Variants in FHOD3 observed in about 807,000 individuals in gnomAD.
FHOD3 encodes FH1/FH2 domain-containing protein 3.
FHOD3 carries 90 observed loss-of-function variants against 173.0 expected under a neutral mutation model. The observed-to-expected ratio is 0.52, with a 90% CI of 0.44 to 0.62. The LOEUF (loss-of-function observed/expected upper bound fraction) is 0.62, where lower values mean the gene tolerates loss of function less well. Ranked by LOEUF, FHOD3 falls within the 20% of genes least tolerant of loss-of-function variation. The pLI, the probability that FHOD3 is intolerant of heterozygous loss-of-function variation, is 0.00. For missense variants in FHOD3, 1,945 were observed against 2,034.7 expected (o/e 0.96, Z 0.85); for synonymous variants, 828 against 823.0 (o/e 1.01, Z -0.10).
intron 1 of FHOD3, among the ~76,000 whole-genome samples, chr18:36,318,456 G>C (rs1163181531): frequency 6.6e-6 from 1 of 152,110 alleles, no homozygotes; most frequent in Non-Finnish European, 1.5e-5. Context: ...CTTGTAAGTT[G>C]GATTCCTAGG....
chr18:36,673,117 A>T (rs1478196613), intron 14 of FHOD3, among the ~76,000 whole-genome samples: 1 of 152,140 alleles, frequency 6.6e-6, no homozygotes, highest in Non-Finnish European at 1.5e-5. Flanking sequence ...GCTTTTGATC[A>T]TCTGTCTGTG....
intron 10 of FHOD3, among the ~76,000 whole-genome samples, chr18:36,642,626 T>G (rs1275681222): frequency 6.6e-6 from 1 of 151,650 alleles, no homozygotes. Flanking sequence ...AAATCCTAAT[T>G]GTACAGAGTT....
intron 1 of FHOD3, among the ~76,000 whole-genome samples, chr18:36,338,070 T>C (rs533936479): frequency 1.6e-4 from 25 of 152,320 alleles, no homozygotes; most frequent in African/African-American, 5.8e-4. Flanking sequence ...GTAGAGTCAA[T>C]TACACTGCTG....
At position 36,779,511 on chromosome 18, in the gene FHOD3, C is replaced by A; in HGVS notation, c.4850C>A (p.Thr1617Asn). 6.2e-7 allele frequency: 1 copy of A among 1,614,146 alleles called. No individual in the cohort carries two copies. The highest frequency in any genetic ancestry group is 1.7e-4 in the Middle Eastern group (1 of 6,060). Residue 1617 changes from threonine to asparagine, a missense_variant, in exon 29 of 29, where the codon ACC becomes AAC. Physicochemically the swap from Thr to Asn is moderately conservative, Grantham distance 65. Transcript: ENST00000590592. Reference sequence around the variant, plus strand: ...GCCAGAGCCCTGGGCTTGGTTGGCACCTCGGAGTTGCAGCTGTGACACTCA... The same window carrying A: ...GCCAGAGCCCTGGGCTTGGTTGGCAACTCGGAGTTGCAGCTGTGACACTCA... ...EEARALGLVG[T>N]SELQL
At chr18:36,473,169 C>A (rs771782109) in intron 3 of FHOD3, among the ~76,000 whole-genome samples, 1 of 152,232 alleles carries the variant, frequency 6.6e-6, no homozygotes, top group Non-Finnish European at 1.5e-5. Flanking sequence ...AATCCCAGCA[C>A]TTTGGGAGGC....
chr18:36,375,808 G>A (rs1395307386), intron 3 of FHOD3, among the ~76,000 whole-genome samples: 2 of 152,230 alleles, frequency 1.3e-5, no homozygotes, highest in East Asian at 3.8e-4. Flanking sequence ...GTTGGAATGA[G>A]ATTTTGGTAT....
chr18:36,432,576 C>T (rs1462711464), intron 3 of FHOD3, among the ~76,000 whole-genome samples: 11 of 152,158 alleles, frequency 7.2e-5, no homozygotes, highest in Admixed American at 1.3e-4. Flanking sequence ...GGAACCCTTG[C>T]ATGTATGCTG....
intron 4 of FHOD3, among the ~76,000 whole-genome samples, chr18:36,511,472 C>T (rs529075098): frequency 6.6e-6 from 1 of 151,968 alleles, no homozygotes; most frequent in African/African-American, 2.4e-5. Context: ...TGAGGATTTC[C>T]TGGGGAATTT....
intron 10 of FHOD3, among the ~76,000 whole-genome samples, chr18:36,637,455 C>T (rs2098362496): frequency 6.6e-6 from 1 of 152,030 alleles, no homozygotes; most frequent in Non-Finnish European, 1.5e-5. Flanking sequence ...GGGATTTTAC[C>T]AAGTTGGCCA....
chr18:36,713,706 T>C (rs780803487), intron 18 of FHOD3, among the ~76,000 whole-genome samples: 2 of 152,192 alleles, frequency 1.3e-5, no homozygotes, highest in African/African-American at 2.4e-5. Context: ...CCCAATTACA[T>C]TGATTTTATC....
rs537149960 is a variant in FHOD3, at chr18:36,702,818, G to A, written c.2237-6277G>A. Reference sequence around the variant, plus strand: ...ATTCCTGCCCACTGTGTGTGTGTGCGCGTGTGTGTGTGCACGTGTGCGTAC... The same window carrying A: ...ATTCCTGCCCACTGTGTGTGTGTGCACGTGTGTGTGTGCACGTGTGCGTAC... On this transcript the variant is annotated intron_variant, in intron 17 of 28. Transcript: ENST00000590592. Among the ~76,000 whole-genome samples the A allele has an allele frequency of 1.1e-4, 16 of 152,158 alleles. No homozygotes were observed. In the South Asian group the frequency reaches 1.7e-3, roughly 16 times the overall value.
At chr18:36,520,800 CAG>C (rs1358037508) in intron 5 of FHOD3, among the ~76,000 whole-genome samples, 7 of 152,342 alleles carry the variant, frequency 4.6e-5, no homozygotes, top group Non-Finnish European at 5.9e-5. Flanking sequence ...CATTCCTACA[CAG>C]AGAGTGTGGA....
intron 10 of FHOD3, among the ~76,000 whole-genome samples, chr18:36,633,980 TAACC>T (rs747430518): frequency 4.6e-5 from 7 of 152,190 alleles, no homozygotes; most frequent in Non-Finnish European, 8.8e-5. Flanking sequence ...TAGTCATAAG[TAACC>T]ACTACCTTGG....
chr18:36,563,775 C>T (rs902003791), intron 5 of FHOD3, among the ~76,000 whole-genome samples: 1 of 152,178 alleles, frequency 6.6e-6, no homozygotes, highest in African/African-American at 2.4e-5. Flanking sequence ...TGTGTCTTCT[C>T]CCAGCTACAT....
At chr18:36,603,647 GC>G (rs2031697197) in intron 8 of FHOD3, among the ~76,000 whole-genome samples, 3 of 151,952 alleles carry the variant, frequency 2.0e-5, no homozygotes, top group Admixed American at 2.0e-4. Flanking sequence ...GGGATTACAG[GC>G]ACGTGCCACC....
intron 1 of FHOD3, among the ~76,000 whole-genome samples, chr18:36,323,587 T>G (rs1477925023): frequency 1.3e-5 from 2 of 152,170 alleles, no homozygotes; most frequent in African/African-American, 4.8e-5. Flanking sequence ...TTTCAGTTCT[T>G]AGCTCAGCTC....
chr18:36,368,122 A>T (rs1167515323), intron 2 of FHOD3, among the ~76,000 whole-genome samples: 1 of 151,504 alleles, frequency 6.6e-6, no homozygotes, highest in Non-Finnish European at 1.5e-5. Context: ...TCTCTCTCTC[A>T]TCTATGTAAT....
At chr18:36,591,246 G>C (rs1351657053) in intron 6 of FHOD3, among the ~76,000 whole-genome samples, 1 of 152,190 alleles carries the variant, frequency 6.6e-6, no homozygotes, top group Non-Finnish European at 1.5e-5. Flanking sequence ...CAAGTTATGA[G>C]GGCAGATACT....
intron 3 of FHOD3, among the ~76,000 whole-genome samples, chr18:36,379,640 CAGTT>C (rs973140583): frequency 2.1e-4 from 32 of 152,318 alleles, no homozygotes; most frequent in African/African-American, 7.5e-4. Context: ...CACGTGCTGG[CAGTT>C]AGACTCCTAA....
Sources: gnomAD v4.1 joint callset for allele counts (sites outside exome capture counted in the v4.1 genomes callset) on GRCh38, gnomAD v4.1.1 for gene constraint, MANE v1.5 for transcripts, NCBI Gene and HGNC (gene_info 2026-07-23, HGNC 2026-07-21) for gene names.